The following ANLN variants were observed in gnomAD, a reference collection of about 807,000 sequenced individuals.
ANLN encodes anillin, actin binding protein, also known as anillin.
A neutral mutation model predicts 135.1 loss-of-function variants in ANLN; 59 were observed. That is an observed-to-expected ratio of 0.44 (90% CI 0.35 to 0.54). ANLN has a LOEUF of 0.54. ANLN is among the 20% of genes least tolerant of loss of function. The pLI is 0.00. For synonymous variants in ANLN, 406 were observed against 456.4 expected (o/e 0.89, Z 1.41); for missense variants, 1,182 against 1,340.0 (o/e 0.88, Z 1.84).
chr7:36,420,646 A>G lies in ANLN; in HGVS notation c.2065A>G (p.Ile689Val), dbSNP rs1205368544. 4 of 1,613,612 alleles carry G rather than the reference A, an allele frequency of 2.5e-6. No individual in the cohort carries two copies. Among genetic ancestry groups the G allele is most frequent in the Admixed American group, 1.7e-5 (1 of 60,028 alleles). The change falls in exon 12 of 24, where the codon ATA becomes GTA. Residue 689 changes from isoleucine to valine, a missense_variant. Ile to Val is a conservative substitution (Grantham distance 29). This residue lies in a region of ANLN where 1,022 missense variants were observed against 1,134.0 expected (regional missense o/e 0.90). Transcript: ENST00000265748. ...ATTCAAAGAAACAGAACGTCCATCA[A>G]TAAAGCAGGTGATTGTTCGGAAGGA... ...QRFKETERPSIKQVIVRKEDV... is the reference protein window; with the variant it reads ...QRFKETERPSVKQVIVRKEDV...
Position 36,425,708 on chromosome 7 carries a change from A to G in ANLN, c.2716A>G (p.Thr906Ala). ...KKKTSKSKAI[T>A]PKRLLTSITT... ...AAGCTATCTTTTCTTTTAGGCTATTACTCCAAAGCGACTCCTCACATCTAT... is the reference window on the plus strand; with the variant it reads ...AAGCTATCTTTTCTTTTAGGCTATTGCTCCAAAGCGACTCCTCACATCTAT... Residue 906 changes from threonine (T) to alanine (A), a missense_variant, in exon 18 of 24, where the codon ACT becomes GCT. Transcript: ENST00000265748. The G allele has an allele frequency of 6.2e-7, 1 of 1,609,712 alleles. No individual in the cohort carries two copies. The highest frequency in any genetic ancestry group is 8.5e-7 in the Non-Finnish European group (1 of 1,176,564).
intron 9 of ANLN, among the ~76,000 whole-genome samples, chr7:36,418,992 G>T (rs1554344636): frequency 6.6e-6 from 1 of 151,938 alleles, no homozygotes; most frequent in Non-Finnish European, 1.5e-5. Flanking sequence ...CCTGACCTCA[G>T]TTGATCTGCC....
chr7:36,411,879 T>C (rs1787427562), intron 7 of ANLN, among the ~76,000 whole-genome samples: 1 of 152,182 alleles, frequency 6.6e-6, no homozygotes, highest in African/African-American at 2.4e-5. Context: ...ATCTCTTCCC[T>C]GTCCACATAC....
At chr7:36,393,025 T>TTTTTTCG (rs1786545579) in intron 1 of ANLN, among the ~76,000 whole-genome samples, 1 of 148,956 alleles carries the variant, frequency 6.7e-6, no homozygotes, top group Non-Finnish European at 1.5e-5. Context: ...TTCTTTTTTC[T>TTTTTTCG]TTTTTCGTTT....
Position 36,439,024 on chromosome 7 carries a change from T to G in ANLN, c.2884-180T>G, listed in dbSNP as rs2116772799. On this transcript the variant is annotated intron_variant, in intron 20 of 23. Transcript: ENST00000265748. ...AGCTTTACCTTAAATGAATTTATTC[T>G]TCAAAAGTATTTGTTGGTAAGGAAC... is the stretch of plus-strand genomic sequence containing the variant. Among the ~76,000 whole-genome samples the G allele has an allele frequency of 2.0e-5, 3 of 152,368 alleles. No individual in the cohort carries two copies. The South Asian group carries it at 6.2e-4, about 32-fold the overall frequency.
intron 8 of ANLN, among the ~76,000 whole-genome samples, chr7:36,416,780 C>T (rs539815733): frequency 2.8e-5 from 4 of 143,898 alleles, no homozygotes; most frequent in South Asian, 4.6e-4. Flanking sequence ...AAAGTTAATG[C>T]ATTTATGCCT....
rs1788877140 is a variant in ANLN, at chr7:36,443,795, G to A, written c.3011G>A (p.Arg1004Gln). 1.2e-6 allele frequency: 2 copies of A among 1,612,830 alleles called. No individual in the cohort carries two copies. The highest frequency in any genetic ancestry group is 1.7e-6 in the Non-Finnish European group (2 of 1,179,428). Residue 1004 changes from arginine (R) to glutamine (Q), a missense_variant, in exon 22 of 24, where the codon CGA (arginine) becomes CAA (glutamine). Transcript: ENST00000265748. ...EDVSGFGAWHRRWCVLSGNCI... is the reference protein window; with the variant it reads ...EDVSGFGAWHQRWCVLSGNCI... The stretch of plus-strand genomic sequence containing the variant: ...GTTAGTGGTTTTGGTGCCTGGCATC[G>A]AAGATGGTGTGTTCTTTCTGGAAAC...
chr7:36,414,697 T>G (rs1414833665), intron 7 of ANLN, among the ~76,000 whole-genome samples: 9 of 152,216 alleles, frequency 5.9e-5, no homozygotes, highest in Admixed American at 5.9e-4. Flanking sequence ...TTGCTTTTTG[T>G]GTTTTTAAAA....
intron 4 of ANLN, among the ~76,000 whole-genome samples, 169 bp downstream of exon 4, chr7:36,406,735 G>A (rs934828139): frequency 6.6e-6 from 1 of 152,138 alleles, no homozygotes; most frequent in Non-Finnish European, 1.5e-5. Context: ...AGTGAAAATC[G>A]TTAAGTTGGG....
chr7:36,389,928 C>G lies in ANLN; in HGVS notation c.-99C>G. ...TGGGAGAGTTCCCCCGCCTCAGACT[C>G]CTGGTTTTTTCCAGGAGACACACTG... On this transcript the variant is annotated 5_prime_UTR_variant, in exon 1 of 24. Transcript: ENST00000265748. 6.2e-7 allele frequency: 1 copy of G among 1,609,794 alleles called. No homozygotes were observed. Among genetic ancestry groups the G allele is most frequent in the Non-Finnish European group, 8.5e-7 (1 of 1,176,930 alleles).
chr7:36,443,794 C>A lies in ANLN; in HGVS notation c.3010C>A (p.Arg1004=). The change falls in exon 22 of 24, where the codon CGA becomes AGA. Residue 1004 remains arginine (R), a synonymous_variant. Transcript: ENST00000265748. ...EDVSGFGAWH[R]RWCVLSGNCI... ...TGTTAGTGGTTTTGGTGCCTGGCAT[C>A]GAAGATGGTGTGTTCTTTCTGGAAA... The A allele has an allele frequency of 4.3e-6, 7 of 1,612,868 alleles. No homozygotes were observed. The highest frequency in any genetic ancestry group is 5.9e-6 in the Non-Finnish European group (7 of 1,179,362).
At chr7:36,399,701 C>T (rs1786859810) in intron 3 of ANLN, among the ~76,000 whole-genome samples, 2 of 152,170 alleles carry the variant, frequency 1.3e-5, no homozygotes, top group Non-Finnish European at 2.9e-5. Context: ...TGCTGACCCT[C>T]AGCTCCATGT....
intron 20 of ANLN, among the ~76,000 whole-genome samples, chr7:36,430,822 T>C (rs1223711159): frequency 6.6e-5 from 10 of 152,174 alleles, no homozygotes; most frequent in African/African-American, 2.4e-4. Flanking sequence ...AGGTTATATT[T>C]TACAGCTCTT....
In ANLN at chr7:36,410,511, T is replaced by C; in HGVS notation, c.1097-3T>C. 1 of 1,588,852 alleles carries C rather than the reference T, an allele frequency of 6.3e-7. No homozygotes were observed. The highest frequency in any genetic ancestry group is 8.5e-7 in the Non-Finnish European group (1 of 1,170,610). Reference sequence around the variant, plus strand: ...CCTCCAAAAATGTGTGTGTTTTCTGTAGGAGGAACAGGAATTAAGCCTTTC... The same window carrying C: ...CCTCCAAAAATGTGTGTGTTTTCTGCAGGAGGAACAGGAATTAAGCCTTTC... On this transcript the variant is annotated splice_polypyrimidine_tract_variant and splice_region_variant and intron_variant, in intron 5 of 23. Coordinates refer to ENST00000265748, the MANE Select transcript of ANLN (RefSeq NM_018685.5).
intron 14 of ANLN, among the ~76,000 whole-genome samples, 196 bp downstream of exon 14, chr7:36,423,005 A>C (rs1487453393): frequency 1.3e-5 from 2 of 152,202 alleles, no homozygotes; most frequent in African/African-American, 2.4e-5. Context: ...ACAATAATGG[A>C]CATTGCTCTT....
chr7:36,449,962 CA>C lies in ANLN; in HGVS notation c.3251+129del, dbSNP rs562429083. On this transcript the variant is annotated intron_variant, in intron 23 of 23. Coordinates refer to ENST00000265748, the MANE Select transcript of ANLN (RefSeq NM_018685.5). ...AAAGGGCACAGCCTTAGTGAGAAAA[CA>C]AAACACACACAAAGCAGTAAGTGAA... 64 of 787,752 alleles carry C rather than the reference CA, an allele frequency of 8.1e-5. No homozygotes were observed. In the East Asian group the frequency reaches 1.7e-3, roughly 21 times the overall value. 48.8% of individuals were successfully genotyped at this position (787,752 alleles called of 1,614,324 possible). A position where few individuals can be genotyped will look rare whatever the true frequency, so the allele number is the denominator to read the frequency against.
intron 9 of ANLN, among the ~76,000 whole-genome samples, chr7:36,418,326 T>C (rs553806819): frequency 8.3e-4 from 126 of 152,166 alleles, no homozygotes; most frequent in African/African-American, 2.9e-3. Context: ...AGAACCACAA[T>C]GAGAAAGATA....
At chr7:36,432,714 T>A (rs1788384153) in intron 20 of ANLN, among the ~76,000 whole-genome samples, 1 of 152,242 alleles carries the variant, frequency 6.6e-6, no homozygotes, top group Non-Finnish European at 1.5e-5. Context: ...TCTTCTGGAT[T>A]AATTGAGTAT....
intron 1 of ANLN, among the ~76,000 whole-genome samples, chr7:36,390,872 A>G (rs1488636452): frequency 6.6e-6 from 1 of 151,884 alleles, no homozygotes; most frequent in Non-Finnish European, 1.5e-5. Flanking sequence ...CCAGTTGTCC[A>G]CTCTCTTTTA....
Sources: allele counts gnomAD v4.1 joint callset (sites outside exome capture counted in the v4.1 genomes callset), GRCh38; gene constraint gnomAD v4.1.1; regional missense constraint gnomAD v4.1.1; transcripts MANE v1.5; gene names NCBI Gene and HGNC (gene_info 2026-07-23, HGNC 2026-07-21).